ADGRF5: variants seen among roughly 807,000 people sequenced by gnomAD.
ADGRF5 encodes G-protein coupled receptor 116.
In ADGRF5, 75 loss-of-function variants were observed where a neutral mutation model predicts 132.3. The observed-to-expected ratio is 0.57, with a 90% CI of 0.47 to 0.69. ADGRF5 has a LOEUF of 0.69. ADGRF5 is among the 30% of genes least tolerant of loss of function. ADGRF5 has a pLI of 0.00. For missense variants in ADGRF5, 1,516 were observed against 1,630.6 expected (o/e 0.93, Z 1.21); for synonymous variants, 629 against 597.6 (o/e 1.05, Z -0.77).
At chr6:46,900,223 C>G in intron 2 of ADGRF5, 140 bp from the exon 3 acceptor site, 1 of 670,692 alleles carries the variant, frequency 1.5e-6, no homozygotes, top group Admixed American at 2.3e-5. Flanking sequence ...CCCGTGGATG[C>G]TGGGCACATA....
intron 1 of ADGRF5, among the ~76,000 whole-genome samples, chr6:46,935,806 AAAC>A (rs1777792023): frequency 1.3e-5 from 2 of 152,156 alleles, no homozygotes; most frequent in Non-Finnish European, 2.9e-5. Flanking sequence ...CACCTGAAAA[AAAC>A]AAGTGTGTTG....
In ADGRF5 at chr6:46,898,914, C is replaced by G. The variant is rs140913678; in HGVS notation, c.157+1115G>C. Among the ~76,000 whole-genome samples, 882 of 152,284 alleles carry G rather than the reference C, an allele frequency of 5.8e-3. 6 individuals are homozygous for G. Among genetic ancestry groups the G allele is most frequent in the Middle Eastern group, 0.024 (7 of 294 alleles). On this transcript the variant is annotated intron_variant, in intron 3 of 20. Coordinates refer to ENST00000283296, the MANE Select transcript of ADGRF5 (RefSeq NM_001098518.2). ...ATTCAGAAAGGTGCTGTAATGTGAA[C>G]GTGCAAGTGCTTCATCTATTCGCTC...
chr6:46,930,197 A>T (rs2150934576), intron 1 of ADGRF5, among the ~76,000 whole-genome samples: 1 of 152,342 alleles, frequency 6.6e-6, no homozygotes, highest in South Asian at 2.1e-4. Context: ...TTTAATTAAA[A>T]GTGTAGCGAA....
intron 1 of ADGRF5, among the ~76,000 whole-genome samples, chr6:46,916,791 A>T (rs963289186): frequency 6.6e-6 from 1 of 152,234 alleles, no homozygotes; most frequent in African/African-American, 2.4e-5. Flanking sequence ...GATCACCACG[A>T]CCTAATGTAA....
At chr6:46,931,392 C>T (rs1336810837) in intron 1 of ADGRF5, among the ~76,000 whole-genome samples, 2 of 152,228 alleles carry the variant, frequency 1.3e-5, no homozygotes, top group African/African-American at 4.8e-5. Flanking sequence ...ATCTTCCCTC[C>T]CTACTTCTGC....
chr6:46,877,306 T>TCTCTCCTTCCTTCC (rs369575219), intron 10 of ADGRF5, among the ~76,000 whole-genome samples: 3 of 77,140 alleles, frequency 3.9e-5, no homozygotes, highest in Admixed American at 1.4e-4. Flanking sequence ...TCTCTCTCTC[T>TCTCTCCTTCCTTCC]TTCCTTCCTT....
chr6:46,935,048 G>T (rs1007397369), intron 1 of ADGRF5, among the ~76,000 whole-genome samples: 1 of 131,036 alleles, frequency 7.6e-6, no homozygotes, highest in Non-Finnish European at 1.5e-5. Context: ...CTGTTGCCCA[G>T]GCTGGAATGC....
intron 3 of ADGRF5, among the ~76,000 whole-genome samples, chr6:46,897,656 C>A (rs937160588): frequency 6.6e-6 from 1 of 152,048 alleles, no homozygotes; most frequent in Non-Finnish European, 1.5e-5. Flanking sequence ...CTCACTGCAA[C>A]CTCCGCCTCC....
Position 46,918,768 on chromosome 6 carries a change from G to A in ADGRF5, c.-25+2945C>T, listed in dbSNP as rs191480732. 9.9e-3 allele frequency among the ~76,000 whole-genome samples: 1,509 copies of A among 152,278 alleles called. 19 individuals are homozygous for A. The highest frequency in any genetic ancestry group is 0.016 in the Non-Finnish European group (1,060 of 68,028). On this transcript the variant is annotated intron_variant, in intron 1 of 20. Coordinates refer to ENST00000283296, the MANE Select transcript of ADGRF5 (RefSeq NM_001098518.2). ...GATGTGCAGATGTGTCTGTTCCTCC[G>A]AAAGACAGCAGCAGCCAGAATTCTA...
intron 1 of ADGRF5, among the ~76,000 whole-genome samples, chr6:46,933,629 G>T (rs1431391703): frequency 1.3e-5 from 2 of 152,166 alleles, no homozygotes; most frequent in Non-Finnish European, 2.9e-5. Flanking sequence ...AGAGATTGAA[G>T]ACAAAGGTGT....
chr6:46,884,379 T>C, intron 4 of ADGRF5, 108 bp from the exon 5 acceptor site: 1 of 824,250 alleles, frequency 1.2e-6, no homozygotes, highest in South Asian at 1.7e-5. Flanking sequence ...GAATCTGACT[T>C]TATATTACCT....
chr6:46,859,618 G>A, intron 16 of ADGRF5, 95 bp from the exon 17 acceptor site: 1 of 771,462 alleles, frequency 1.3e-6, no homozygotes, highest in Non-Finnish European at 2.1e-6. Flanking sequence ...TTGCATAAAG[G>A]TAAGAGGAAA....
intron 1 of ADGRF5, among the ~76,000 whole-genome samples, chr6:46,920,320 A>C (rs180932349): frequency 6.6e-6 from 1 of 152,272 alleles, no homozygotes; most frequent in East Asian, 1.9e-4. Flanking sequence ...AACTCTTTAT[A>C]CTTTTCTAAG....
intron 20 of ADGRF5, among the ~76,000 whole-genome samples, chr6:46,855,462 C>T (rs1005588168): frequency 2.6e-5 from 4 of 152,034 alleles, no homozygotes; most frequent in African/African-American, 7.2e-5. Flanking sequence ...TTGGGTGATC[C>T]CTTACGTAAT....
intron 4 of ADGRF5, among the ~76,000 whole-genome samples, chr6:46,886,029 G>A (rs540654325): frequency 6.6e-6 from 1 of 152,350 alleles, no homozygotes; most frequent in Non-Finnish European, 1.5e-5. Context: ...CAAGTCAGGT[G>A]TGAACAGCCT....
At position 46,855,155 on chromosome 6, in the gene ADGRF5, A is replaced by C. The variant is rs549886975; in HGVS notation, c.3961+819T>G. 1.4e-3 allele frequency among the ~76,000 whole-genome samples: 218 copies of C among 152,322 alleles called. 1 individual carries two copies. Among genetic ancestry groups the C allele is most frequent in the African/African-American group, 5.1e-3 (214 of 41,572 alleles). On this transcript the variant is annotated intron_variant, in intron 20 of 20. Transcript: ENST00000283296. ...CAAAGTTATTAATTCCATTCATTTC[A>C]TATCTCCAATGTAGAAATTTAACTG...
chr6:46,909,752 A>G (rs1775749334), intron 1 of ADGRF5, among the ~76,000 whole-genome samples: 1 of 152,198 alleles, frequency 6.6e-6, no homozygotes, highest in African/African-American at 2.4e-5. Context: ...AGGAGAAAGG[A>G]TCACTTGAAG....
At chr6:46,928,833 C>G (rs796623774) in intron 1 of ADGRF5, among the ~76,000 whole-genome samples, 17 of 152,192 alleles carry the variant, frequency 1.1e-4, no homozygotes, top group African/African-American at 4.1e-4. Context: ...ATTAAAAAGT[C>G]AGGAAACAAC....
At chr6:46,890,916 G>C (rs1366323364) in intron 3 of ADGRF5, among the ~76,000 whole-genome samples, 1 of 152,260 alleles carries the variant, frequency 6.6e-6, no homozygotes, top group African/African-American at 2.4e-5. Flanking sequence ...AATAGAGTAA[G>C]TTTATCCTGG....
Sources: gnomAD v4.1 joint callset for allele counts (sites outside exome capture counted in the v4.1 genomes callset) on GRCh38, gnomAD v4.1.1 for gene constraint, MANE v1.5 for transcripts, NCBI Gene and HGNC (gene_info 2026-07-23, HGNC 2026-07-21) for gene names.